The following CASD1 variants were observed in gnomAD, a reference collection of about 807,000 sequenced individuals.
CASD1 encodes N-acetylneuraminate (7)9-O-acetyltransferase.
Under a neutral mutation model 100.0 loss-of-function variants are expected in CASD1, and 41 were observed. The observed-to-expected ratio is 0.41, with a 90% CI of 0.32 to 0.53. The LOEUF (loss-of-function observed/expected upper bound fraction) is 0.53. CASD1 is among the 20% of genes least tolerant of loss of function. CASD1 has a pLI of 0.25. For missense variants in CASD1, 774 were observed against 948.7 expected (o/e 0.82, Z 2.42); for synonymous variants, 321 against 315.6 (o/e 1.02, Z -0.18).
rs766147872 is a variant in CASD1, at chr7:94,556,024, A to G, written c.*266A>G. The G allele has an allele frequency of 2.5e-4, 71 of 284,430 alleles. No individual in the cohort carries two copies. Among genetic ancestry groups the G allele is most frequent in the Admixed American group, 3.9e-4 (8 of 20,726 alleles). The allele number at this position is 284,430 out of a possible 1,614,324, so 17.6% of individuals were successfully genotyped here. On this transcript the variant is annotated 3_prime_UTR_variant, in exon 18 of 18. Coordinates refer to ENST00000297273, the MANE Select transcript of CASD1 (RefSeq NM_022900.5). ...GTGAAGTCTTTTCTACTGAATCTATATTTCCATTTGTAAGTGATTTTAAGT... is the reference window on the plus strand; with the variant it reads ...GTGAAGTCTTTTCTACTGAATCTATGTTTCCATTTGTAAGTGATTTTAAGT...
At chr7:94,596,090 T>C in the CASD1 span, among the ~76,000 whole-genome samples, 4 of 152,084 alleles carry the variant, frequency 2.6e-5, no homozygotes, top group Admixed American at 6.6e-5. Flanking sequence ...AAAATACGTA[T>C]GTGTTTAAAT....
At chr7:94,628,918 T>C in the CASD1 span, 9 of 155,204 alleles carry the variant, frequency 5.8e-5, 1 homozygote, top group African/African-American at 2.2e-4. Flanking sequence ...ATCCTGGCCC[T>C]GTGTTAAATG....
chr7:94,531,339 T>C (rs1386942956), intron 5 of CASD1, among the ~76,000 whole-genome samples: 1 of 152,124 alleles, frequency 6.6e-6, no homozygotes, highest in Admixed American at 6.5e-5. Flanking sequence ...TTTTCTTTAC[T>C]CTCTTGTCAG....
chr7:94,565,398 G>T, the CASD1 span, among the ~76,000 whole-genome samples: 2 of 152,058 alleles, frequency 1.3e-5, no homozygotes, highest in African/African-American at 2.4e-5. Context: ...CCCACTGAAG[G>T]TATAGTTCCT....
intron 1 of CASD1, among the ~76,000 whole-genome samples, chr7:94,513,745 AAT>A (rs1232878732): frequency 6.6e-6 from 1 of 152,214 alleles, no homozygotes; most frequent in Non-Finnish European, 1.5e-5. Context: ...CCTAACACAC[AAT>A]AGGAAATCCT....
chr7:94,611,523 G>T, the CASD1 span, among the ~76,000 whole-genome samples: 2 of 152,078 alleles, frequency 1.3e-5, no homozygotes, highest in African/African-American at 4.8e-5. Flanking sequence ...GGGTACAAGG[G>T]TGGGTGTGTG....
At position 94,555,804 on chromosome 7, in the gene CASD1, G is replaced by A. The variant is rs371171339; in HGVS notation, c.*46G>A. On this transcript the variant is annotated 3_prime_UTR_variant, in exon 18 of 18. Transcript: ENST00000297273. ...CCTAAACTCTTCAGGCTACCTTTGT[G>A]TGTCTCTAGAAGAGAAAAGCATCTA... 10 of 1,558,944 alleles carry A rather than the reference G, an allele frequency of 6.4e-6. No individual in the cohort carries two copies. In the African/African-American group the frequency reaches 1.4e-4, roughly 21 times the overall value.
chr7:94,607,697 G>A, the CASD1 span, among the ~76,000 whole-genome samples: 1 of 152,112 alleles, frequency 6.6e-6, no homozygotes, highest in Non-Finnish European at 1.5e-5. Flanking sequence ...GAAACTTGAA[G>A]TTTTCCTACT....
intron 3 of CASD1, among the ~76,000 whole-genome samples, chr7:94,521,046 C>T (rs1326924688): frequency 6.6e-6 from 1 of 151,976 alleles, no homozygotes; most frequent in Admixed American, 6.6e-5. Context: ...GAGCTGAGAT[C>T]ATGCCACTGC....
At chr7:94,572,580 T>C in the CASD1 span, among the ~76,000 whole-genome samples, 1 of 152,174 alleles carries the variant, frequency 6.6e-6, no homozygotes, top group Admixed American at 6.5e-5. Context: ...GGGTTGTTTG[T>C]TTTTCTCTTG....
the CASD1 span, chr7:94,598,232 C>T: frequency 6.0e-6 from 1 of 165,296 alleles, no homozygotes; most frequent in East Asian, 1.8e-4. Flanking sequence ...GCCTTTCTAA[C>T]CCTGATCCCT....
At chr7:94,563,882 G>A in the CASD1 span, among the ~76,000 whole-genome samples, 2 of 151,994 alleles carry the variant, frequency 1.3e-5, no homozygotes, top group Non-Finnish European at 1.5e-5. Context: ...CTGACTGCTG[G>A]ACTCTTAAAA....
intron 1 of CASD1, among the ~76,000 whole-genome samples, chr7:94,515,320 T>C (rs1159782803): frequency 1.3e-5 from 2 of 152,108 alleles, no homozygotes; most frequent in Non-Finnish European, 2.9e-5. Context: ...CATTAGCAAA[T>C]TAAGAATTTC....
the CASD1 span, among the ~76,000 whole-genome samples, chr7:94,623,040 T>C: frequency 6.6e-6 from 1 of 152,108 alleles, no homozygotes; most frequent in African/African-American, 2.4e-5. Context: ...CCCACACTTA[T>C]AAGAGAAATG....
rs149621779 is a variant in CASD1, at chr7:94,538,098, G to A, written c.1266+204G>A. On this transcript the variant is annotated intron_variant, in intron 9 of 17. Transcript: ENST00000297273. Reference sequence around the variant, plus strand: ...GTTTGGAGAAAGGTCAGAGTCACGTGAAAATTGTTGAAAAGTTGGGAAATA... The same window carrying A: ...GTTTGGAGAAAGGTCAGAGTCACGTAAAAATTGTTGAAAAGTTGGGAAATA... 5.0e-3 allele frequency among the ~76,000 whole-genome samples: 763 copies of A among 152,194 alleles called. 8 individuals are homozygous for A. The highest frequency in any genetic ancestry group is 0.014 in the South Asian group (68 of 4,824).
At chr7:94,539,572 G>A (rs931407977) in intron 10 of CASD1, among the ~76,000 whole-genome samples, 1 of 151,764 alleles carries the variant, frequency 6.6e-6, no homozygotes, top group Non-Finnish European at 1.5e-5. Context: ...GGAAAGCTGA[G>A]GCAGGAGAAA....
At chr7:94,522,714 G>A (rs1794346865) in intron 3 of CASD1, among the ~76,000 whole-genome samples, 1 of 151,558 alleles carries the variant, frequency 6.6e-6, no homozygotes, top group African/African-American at 2.4e-5. Flanking sequence ...CTGGAGTGCA[G>A]TGGTGTGATC....
chr7:94,535,444 G>A lies in CASD1; in HGVS notation c.764G>A (p.Ser255Asn), dbSNP rs1306450396. The A allele has an allele frequency of 6.2e-7, 1 of 1,613,654 alleles. No homozygotes were observed. The highest frequency in any genetic ancestry group is 8.5e-7 in the Non-Finnish European group (1 of 1,179,736). Residue 255 changes from serine (S) to asparagine (N), a missense_variant, in exon 8 of 18, where the codon AGT (serine) becomes AAT (asparagine). By Grantham distance (46) the Ser-to-Asn change is conservative. This residue lies in a region of CASD1 where 453 missense variants were observed against 532.6 expected (regional missense o/e 0.85). Transcript: ENST00000297273. ...RNSKSNVKMF[S>N]VSKLIAQETI... Reference sequence around the variant, plus strand: ...TCTAAATCAAATGTTAAGATGTTCAGTGTTTCCAAATTAATTGCTCAAGAA... The same window carrying A: ...TCTAAATCAAATGTTAAGATGTTCAATGTTTCCAAATTAATTGCTCAAGAA...
downstream of CASD1, among the ~76,000 whole-genome samples, chr7:94,557,191 A>G (rs184662282): frequency 2.4e-4 from 36 of 152,194 alleles, no homozygotes; most frequent in East Asian, 6.6e-3. Flanking sequence ...AAGTTTAAGC[A>G]TTATGGTTCA....
Sources: gnomAD v4.1 joint callset for allele counts (sites outside exome capture counted in the v4.1 genomes callset) on GRCh38, gnomAD v4.1.1 for gene constraint, gnomAD v4.1.1 regional missense constraint, MANE v1.5 for transcripts, NCBI Gene and HGNC (gene_info 2026-07-23, HGNC 2026-07-21) for gene names.